Variants in GPM6A observed in about 807,000 individuals in gnomAD.
The protein encoded by GPM6A is neuronal membrane glycoprotein M6-a.
A neutral mutation model predicts 32.1 loss-of-function variants in GPM6A; 7 were observed. The ratio of observed to expected loss-of-function variants is 0.22; its 90% CI spans 0.12 to 0.41. GPM6A has a LOEUF of 0.41. Ranked by LOEUF, GPM6A falls within the 10% of genes least tolerant of loss-of-function variation. The pLI, the probability that GPM6A is intolerant of heterozygous loss-of-function variation, is 1.00. For synonymous variants in GPM6A, 130 were observed against 123.4 expected, an observed-to-expected ratio of 1.05 and a Z score of -0.35; for missense variants, 235 against 347.2, an observed-to-expected ratio of 0.68 and a Z score of 2.57.
chr4:175,797,650 G>A (rs551707993), intron 1 of GPM6A, among the ~76,000 whole-genome samples: 1 of 152,138 alleles, frequency 6.6e-6, no homozygotes, highest in East Asian at 1.9e-4. Context: ...CAAGTGATCT[G>A]CCCACCACAT....
intron 1 of GPM6A, chr4:175,962,339 G>A (rs1348616340): frequency 1.5e-5 from 13 of 848,342 alleles, no homozygotes; most frequent in Non-Finnish European, 2.4e-5. Flanking sequence ...CTGAACATCA[G>A]CTTCTTAAGA....
chr4:175,796,944 T>C (rs1734256099), intron 1 of GPM6A, among the ~76,000 whole-genome samples: 1 of 151,888 alleles, frequency 6.6e-6, no homozygotes, highest in Admixed American at 6.6e-5. Flanking sequence ...TGATAAGTCC[T>C]GAATTGTTTT....
intron 1 of GPM6A, among the ~76,000 whole-genome samples, chr4:175,861,867 T>C (rs1281004238): frequency 1.3e-5 from 2 of 151,910 alleles, no homozygotes; most frequent in Non-Finnish European, 2.9e-5. Context: ...TCCAAATTTA[T>C]AATGTATTAT....
chr4:175,938,613 A>ATCT (rs1198127190), intron 1 of GPM6A, among the ~76,000 whole-genome samples: 2 of 151,776 alleles, frequency 1.3e-5, no homozygotes, highest in Non-Finnish European at 2.9e-5. Flanking sequence ...TTTCTTGTAA[A>ATCT]TTTGTTTATT....
At chr4:175,770,184 G>T (rs957322989) in intron 1 of GPM6A, among the ~76,000 whole-genome samples, 1 of 152,052 alleles carries the variant, frequency 6.6e-6, no homozygotes, top group Non-Finnish European at 1.5e-5. Context: ...GTGCCACCAC[G>T]CCCAGCTAGT....
intron 2 of GPM6A, among the ~76,000 whole-genome samples, chr4:175,684,833 T>C (rs563821739): frequency 1.3e-4 from 20 of 152,264 alleles, no homozygotes; most frequent in Admixed American, 3.3e-4. Flanking sequence ...CTCCCTTCTT[T>C]GTATTTTCTT....
intron 1 of GPM6A, among the ~76,000 whole-genome samples, chr4:175,768,769 A>C (rs1733072910): frequency 6.6e-6 from 1 of 152,170 alleles, no homozygotes; most frequent in Non-Finnish European, 1.5e-5. Flanking sequence ...AGATAAATAT[A>C]GACATTAATG....
At position 175,636,591 on chromosome 4, in the gene GPM6A, T is replaced by C. The variant is rs535408643; in HGVS notation, c.685-1534A>G. ...CGGGTTGATCACTTGAGGTCAGGAG[T>C]CCAAGACCAGTCTGGCCAACATAGT... On this transcript the variant is annotated intron_variant, in intron 6 of 6. Transcript: ENST00000393658. 6.7e-5 allele frequency among the ~76,000 whole-genome samples: 10 copies of C among 149,450 alleles called. No individual in the cohort carries two copies. The South Asian group carries it at 1.7e-3, about 25-fold the overall frequency.
At chr4:175,646,800 G>A (rs1388313488) in intron 4 of GPM6A, among the ~76,000 whole-genome samples, 1 of 152,178 alleles carries the variant, frequency 6.6e-6, no homozygotes, top group African/African-American at 2.4e-5. Context: ...ACCACATCTA[G>A]ACAATGAGAT....
intron 1 of GPM6A, among the ~76,000 whole-genome samples, chr4:175,934,368 C>T (rs529637398): frequency 9.2e-5 from 14 of 152,284 alleles, no homozygotes; most frequent in Middle Eastern, 3.4e-3. Context: ...ACATTAGCCA[C>T]ATGCCTATAT....
intron 1 of GPM6A, among the ~76,000 whole-genome samples, chr4:175,801,416 T>G (rs1041239539): frequency 3.9e-5 from 6 of 152,096 alleles, no homozygotes; most frequent in African/African-American, 1.4e-4. Flanking sequence ...TGTTTAATAT[T>G]GGTAATTTGA....
At chr4:175,717,883 T>G (rs115020486) in intron 1 of GPM6A, among the ~76,000 whole-genome samples, 1 of 152,328 alleles carries the variant, frequency 6.6e-6, no homozygotes, top group African/African-American at 2.4e-5. Context: ...CATTTTCTGT[T>G]GCTAAATAAG....
At chr4:175,920,030 T>A (rs887048409) in intron 1 of GPM6A, among the ~76,000 whole-genome samples, 1 of 152,260 alleles carries the variant, frequency 6.6e-6, no homozygotes, top group African/African-American at 2.4e-5. Context: ...TCTGGCCATC[T>A]TTGGTCATAA....
chr4:175,634,604 A>T lies in GPM6A; in HGVS notation c.*301T>A. The T allele has an allele frequency of 3.7e-6, 1 of 268,408 alleles. No individual in the cohort carries two copies. Among genetic ancestry groups the T allele is most frequent in the East Asian group, 8.5e-5 (1 of 11,758 alleles). The allele number at this position is 268,408 out of a possible 1,614,324, so 16.6% of individuals were successfully genotyped here. ...CACATGGGAAGTGGTTAAAAATCAA[A>T]CAAATCTTTGCATTTGACAATGTTA... On this transcript the variant is annotated 3_prime_UTR_variant, in exon 7 of 7. Transcript: ENST00000393658.
intron 1 of GPM6A, among the ~76,000 whole-genome samples, chr4:175,897,461 A>AG (rs1429829689): frequency 6.6e-6 from 1 of 152,170 alleles, no homozygotes; most frequent in Admixed American, 6.6e-5. Flanking sequence ...TATATTGAGA[A>AG]GGGGAGAGGT....
At chr4:175,753,043 C>T (rs138565554) in intron 1 of GPM6A, among the ~76,000 whole-genome samples, 5 of 152,292 alleles carry the variant, frequency 3.3e-5, no homozygotes, top group Admixed American at 2.0e-4. Flanking sequence ...CCATATGGGA[C>T]ACAGAGTTAA....
intron 1 of GPM6A, among the ~76,000 whole-genome samples, chr4:175,886,722 AACACACACAC>A (rs34241399): frequency 2.4e-4 from 35 of 145,816 alleles, no homozygotes; most frequent in African/African-American, 7.1e-4. Context: ...AAACTCAGTA[AACACACACAC>A]ACACACACAC....
At chr4:175,721,267 GGAGATC>G (rs973147688) in intron 1 of GPM6A, among the ~76,000 whole-genome samples, 1 of 150,970 alleles carries the variant, frequency 6.6e-6, no homozygotes, top group African/African-American at 2.4e-5. Flanking sequence ...TCTGAGGTCA[GGAGATC>G]GAGACCAGCC....
chr4:175,837,198 A>G (rs1735795931), intron 1 of GPM6A, among the ~76,000 whole-genome samples: 2 of 152,134 alleles, frequency 1.3e-5, no homozygotes, highest in Admixed American at 6.6e-5. Context: ...CCAGGAGCCA[A>G]GGAATACAGG....
Sources: allele counts gnomAD v4.1 joint callset (sites outside exome capture counted in the v4.1 genomes callset), GRCh38; gene constraint gnomAD v4.1.1; transcripts MANE v1.5; gene names NCBI Gene and HGNC (gene_info 2026-07-23, HGNC 2026-07-21).